The following SLC2A12 variants were observed in gnomAD, a reference collection of about 807,000 sequenced individuals.
SLC2A12 encodes the protein solute carrier family 2, facilitated glucose transporter member 12.
SLC2A12 carries 23 observed loss-of-function variants against 41.8 expected under a neutral mutation model. The ratio of observed to expected loss-of-function variants is 0.55; its 90% CI spans 0.40 to 0.78. The LOEUF (loss-of-function observed/expected upper bound fraction) is 0.78, where lower values mean the gene tolerates loss of function less well. Among genes scored for constraint, SLC2A12 ranks in the 30% least tolerant of loss-of-function variants. SLC2A12 has a pLI of 0.00. For missense variants in SLC2A12, 654 were observed against 745.6 expected, an observed-to-expected ratio of 0.88 and a Z score of 1.43; for synonymous variants, 295 against 285.9, an observed-to-expected ratio of 1.03 and a Z score of -0.32.
At chr6:134,006,193 C>CAAAAAAAAAAAAA (rs571711008) in intron 3 of SLC2A12, among the ~76,000 whole-genome samples, 3 of 121,606 alleles carry the variant, frequency 2.5e-5, no homozygotes, top group South Asian at 2.5e-4. Context: ...AAAAAAAAAA[C>CAAAAAAAAAAAAA]AAAAAAAAAA....
At chr6:134,031,819 T>C (rs192386940) in intron 1 of SLC2A12, among the ~76,000 whole-genome samples, 68 of 152,318 alleles carry the variant, frequency 4.5e-4, no homozygotes, top group Non-Finnish European at 4.1e-4. Context: ...ACATATGTAT[T>C]TGGAAGCCAG....
intron 1 of SLC2A12, among the ~76,000 whole-genome samples, chr6:134,041,528 C>T (rs1051829918): frequency 6.6e-6 from 1 of 151,898 alleles, no homozygotes; most frequent in Admixed American, 6.6e-5. Flanking sequence ...GTGATAATGA[C>T]AGGATGGGGG....
rs200847615 is a variant in SLC2A12 at position 133,991,253 on chromosome 6, G to A, written c.1756C>T (p.Pro586Ser). ...FMSHHQEELV[P>S]KQPQKRKPQE... The stretch of plus-strand genomic sequence containing the variant: ...GGTTTTCTTTTTTGAGGCTGTTTTG[G>A]CACTAATTCTTCTTGGTGATGACTC... The change falls in exon 5 of 5, where the codon CCA becomes TCA. Residue 586 changes from proline (P) to serine (S), a missense_variant. Around this residue, in one of 3 missense-constraint regions of SLC2A12, gnomAD observed 134 missense variants for 180.5 expected, o/e 0.74. Coordinates refer to ENST00000275230, the MANE Select transcript of SLC2A12 (RefSeq NM_145176.3). The A allele has an allele frequency of 3.6e-4, 580 of 1,613,806 alleles. 2 individuals are homozygous for A. Among genetic ancestry groups the A allele is most frequent in the Non-Finnish European group, 4.4e-4 (525 of 1,179,956 alleles).
Position 134,005,659 on chromosome 6 carries a change from T to TAAAAAAAAA in SLC2A12, c.1567+1144_1567+1152dup, listed in dbSNP as rs56710009. Among the ~76,000 whole-genome samples the TAAAAAAAAA allele has an allele frequency of 1.2e-4, 8 of 64,968 alleles. 1 individual carries two copies. The highest frequency in any genetic ancestry group is 6.6e-4 in the South Asian group (1 of 1,506). The allele number at this position is 64,968 out of a possible 152,430, so 42.6% of individuals were successfully genotyped here. A position where few individuals can be genotyped will look rare whatever the true frequency, so the allele number is the denominator to read the frequency against. The stretch of plus-strand genomic sequence containing the variant: ...TGGGCAAGAGAGTGAGACTCTGTCT[T>TAAAAAAAAA]AAAAAAAAAAAAAAAAAAAAAAAAA... On this transcript the variant is annotated intron_variant, in intron 3 of 4. Coordinates refer to ENST00000275230, the MANE Select transcript of SLC2A12 (RefSeq NM_145176.3).
chr6:134,033,274 T>A (rs112679192), intron 1 of SLC2A12, among the ~76,000 whole-genome samples: 1 of 152,266 alleles, frequency 6.6e-6, no homozygotes, highest in Admixed American at 6.5e-5. Flanking sequence ...ATTAATTTTG[T>A]GTGCTGTTTG....
intron 4 of SLC2A12, among the ~76,000 whole-genome samples, chr6:133,994,588 C>A (rs900136542): frequency 6.6e-6 from 1 of 152,040 alleles, no homozygotes; most frequent in Non-Finnish European, 1.5e-5. Context: ...ATTAGCCAGG[C>A]GTGGTGGCGG....
At chr6:134,033,155 C>A (rs1377528237) in intron 1 of SLC2A12, among the ~76,000 whole-genome samples, 1 of 151,936 alleles carries the variant, frequency 6.6e-6, no homozygotes, top group Admixed American at 6.6e-5. Context: ...ACAGAGGGGG[C>A]ACTTCAAGTA....
intron 4 of SLC2A12, among the ~76,000 whole-genome samples, chr6:134,001,360 T>C (rs1049247451): frequency 5.3e-5 from 8 of 152,084 alleles, no homozygotes; most frequent in Non-Finnish European, 1.0e-4. Flanking sequence ...AAGATTCACA[T>C]CCTCTGTACA....
intron 4 of SLC2A12, among the ~76,000 whole-genome samples, chr6:134,001,137 G>A (rs887583082): frequency 1.3e-5 from 2 of 148,386 alleles, no homozygotes; most frequent in African/African-American, 2.5e-5. Context: ...ATGTTCACCC[G>A]TTGGTTGGGG....
chr6:134,035,958 G>A (rs946210748), intron 1 of SLC2A12, among the ~76,000 whole-genome samples: 2 of 152,184 alleles, frequency 1.3e-5, no homozygotes, highest in African/African-American at 4.8e-5. Context: ...ATTGTCTGCT[G>A]GTCAGTGAGT....
intron 1 of SLC2A12, among the ~76,000 whole-genome samples, chr6:134,041,823 C>T (rs1431567230): frequency 2.6e-5 from 4 of 152,010 alleles, no homozygotes; most frequent in Non-Finnish European, 5.9e-5. Flanking sequence ...TGGAGACTTT[C>T]GATGATAGAT....
At chr6:134,014,162 A>C (rs2114445662) in intron 2 of SLC2A12, among the ~76,000 whole-genome samples, 1 of 152,310 alleles carries the variant, frequency 6.6e-6, no homozygotes, top group East Asian at 1.9e-4. Flanking sequence ...GGATGATTCA[A>C]GTACGTGACG....
chr6:133,992,156 A>G (rs1776631931), intron 4 of SLC2A12, among the ~76,000 whole-genome samples: 1 of 152,186 alleles, frequency 6.6e-6, no homozygotes, highest in Non-Finnish European at 1.5e-5. Flanking sequence ...GTATTTTTTC[A>G]GGATGGGAAA....
chr6:133,999,942 G>A (rs1313273436), intron 4 of SLC2A12, among the ~76,000 whole-genome samples: 2 of 152,200 alleles, frequency 1.3e-5, no homozygotes, highest in African/African-American at 4.8e-5. Context: ...CATGAGGAAT[G>A]TTGCCAGTTT....
At chr6:134,037,154 T>C (rs1266460022) in intron 1 of SLC2A12, among the ~76,000 whole-genome samples, 1 of 142,128 alleles carries the variant, frequency 7.0e-6, no homozygotes, top group Non-Finnish European at 1.5e-5. Context: ...ATTTTTTTTT[T>C]TTTTTTTTTT....
rs1377702757 is a variant in SLC2A12, at chr6:133,988,742, AGT to A, written c.*2411_*2412del. 1 of 152,012 alleles carries A rather than the reference AGT, an allele frequency of 6.6e-6. No homozygotes were observed. The highest frequency in any genetic ancestry group is 1.5e-5 in the Non-Finnish European group (1 of 68,004). 9.4% of individuals were successfully genotyped at this position (152,012 alleles called of 1,614,324 possible). A position where few individuals can be genotyped will look rare whatever the true frequency, so the allele number is the denominator to read the frequency against. On this transcript the variant is annotated 3_prime_UTR_variant, in exon 5 of 5. Transcript: ENST00000275230. ...TATTTTTCCTTTTTTTTAAAAAAAA[AGT>A]GTTTATTTCCTTTATTTTAAGATTC... is the stretch of plus-strand genomic sequence containing the variant.
In SLC2A12 at chr6:134,005,234, C is replaced by G. The variant is rs557871786; in HGVS notation, c.1567+1578G>C. 2.0e-5 allele frequency among the ~76,000 whole-genome samples: 3 copies of G among 152,216 alleles called. No individual in the cohort carries two copies. In the South Asian group the frequency reaches 6.2e-4, roughly 32 times the overall value. On this transcript the variant is annotated intron_variant, in intron 3 of 4. Coordinates refer to ENST00000275230, the MANE Select transcript of SLC2A12 (RefSeq NM_145176.3). ...GCTGCTGAATGGAACACACAAACAG[C>G]CATTTTTTGTTTTGCTTGTAACATT...
chr6:134,001,980 A>G lies in SLC2A12; in HGVS notation c.1700+17T>C, dbSNP rs775315008. 7 of 1,604,890 alleles carry G rather than the reference A, an allele frequency of 4.4e-6. No individual in the cohort carries two copies. In the East Asian group the frequency reaches 6.8e-5, roughly 15 times the overall value. ...ACCAAAGAGTATTGTTCAGAAACCA[A>G]TGCATGTAATACTTACACTTTTGCT... On this transcript the variant is annotated intron_variant, in intron 4 of 4. Transcript: ENST00000275230.
At chr6:134,008,383 A>C (rs915937584) in intron 2 of SLC2A12, among the ~76,000 whole-genome samples, 1 of 152,234 alleles carries the variant, frequency 6.6e-6, no homozygotes, top group African/African-American at 2.4e-5. Context: ...AAGTGAATCT[A>C]TACAGGGTTA....
Sources: gnomAD v4.1 joint callset for allele counts (sites outside exome capture counted in the v4.1 genomes callset) on GRCh38, gnomAD v4.1.1 for gene constraint, gnomAD v4.1.1 regional missense constraint, MANE v1.5 for transcripts, NCBI Gene and HGNC (gene_info 2026-07-23, HGNC 2026-07-21) for gene names.